Variants in CDK19 observed in about 807,000 individuals in gnomAD.
The protein encoded by CDK19 is cyclin-dependent kinase 19.
In CDK19, 20 loss-of-function variants were observed where a neutral mutation model predicts 68.3. The observed-to-expected ratio is 0.29, with a 90% confidence interval of 0.21 to 0.43. The LOEUF (loss-of-function observed/expected upper bound fraction) is 0.43, where lower values mean the gene tolerates loss of function less well. Ranked by LOEUF, CDK19 falls within the 20% of genes least tolerant of loss-of-function variation. The pLI, the probability that CDK19 is intolerant of heterozygous loss-of-function variation, is 1.00. For synonymous variants in CDK19, 221 were observed against 222.8 expected (o/e 0.99, Z 0.07); for missense variants, 339 against 623.5 (o/e 0.54, Z 4.86).
At chr6:110,710,183 A>C (rs1392201189) in intron 2 of CDK19, among the ~76,000 whole-genome samples, 1 of 152,218 alleles carries the variant, frequency 6.6e-6, no homozygotes, top group African/African-American at 2.4e-5. Flanking sequence ...TTTATAACAA[A>C]CTAATCTTGA....
intron 2 of CDK19, among the ~76,000 whole-genome samples, chr6:110,683,911 C>T (rs887079856): frequency 5.3e-5 from 8 of 150,226 alleles, no homozygotes; most frequent in Non-Finnish European, 8.9e-5. Context: ...GGGGTTTCAC[C>T]TTGGCCAGGC....
At chr6:110,689,916 T>C (rs1392751216) in intron 2 of CDK19, among the ~76,000 whole-genome samples, 1 of 152,098 alleles carries the variant, frequency 6.6e-6, no homozygotes, top group African/African-American at 2.4e-5. Flanking sequence ...GTGCACCATA[T>C]CAAAGGAACA....
intron 2 of CDK19, among the ~76,000 whole-genome samples, chr6:110,688,654 G>A (rs1373188174): frequency 6.6e-6 from 1 of 152,120 alleles, no homozygotes; most frequent in Non-Finnish European, 1.5e-5. Flanking sequence ...CACAGAGAAG[G>A]GCCTTAACCC....
intron 4 of CDK19, among the ~76,000 whole-genome samples, chr6:110,641,839 T>C (rs78371378): frequency 6.6e-6 from 1 of 152,044 alleles, no homozygotes; most frequent in South Asian, 2.1e-4. Context: ...TGGATAAGCA[T>C]AAACAACAAA....
At chr6:110,726,291 AT>A (rs1776309113) in intron 2 of CDK19, among the ~76,000 whole-genome samples, 2 of 152,200 alleles carry the variant, frequency 1.3e-5, no homozygotes, top group African/African-American at 4.8e-5. Flanking sequence ...TAATGCAAGC[AT>A]TTTGAGTAAG....
At chr6:110,759,167 A>C (rs907169908) in intron 1 of CDK19, among the ~76,000 whole-genome samples, 13 of 151,270 alleles carry the variant, frequency 8.6e-5, no homozygotes, top group Non-Finnish European at 1.9e-4. Context: ...TCAGGAGGCC[A>C]AGGCAGGCAG....
chr6:110,802,015 T>C (rs1782379812), intron 1 of CDK19, among the ~76,000 whole-genome samples: 1 of 152,052 alleles, frequency 6.6e-6, no homozygotes. Flanking sequence ...ATTGCTATTA[T>C]CAAAAATAAA....
chr6:110,686,456 C>A (rs1451031985), intron 2 of CDK19, among the ~76,000 whole-genome samples: 2 of 152,206 alleles, frequency 1.3e-5, no homozygotes, highest in Admixed American at 6.5e-5. Context: ...GATAAAATCC[C>A]TACTTTATTC....
At chr6:110,812,808 A>G (rs1245171836) in intron 1 of CDK19, among the ~76,000 whole-genome samples, 2 of 143,978 alleles carry the variant, frequency 1.4e-5, no homozygotes, top group African/African-American at 2.6e-5. Flanking sequence ...ACTGTTTAAA[A>G]CAGTAAAAAA....
At chr6:110,787,705 G>C (rs188168203) in intron 1 of CDK19, among the ~76,000 whole-genome samples, 19 of 152,240 alleles carry the variant, frequency 1.2e-4, no homozygotes, top group Admixed American at 1.2e-3. Flanking sequence ...GCCTGCCAAA[G>C]TGCTGGGATT....
chr6:110,613,356 A>T lies in CDK19; in HGVS notation c.*1179T>A, dbSNP rs1253509682. Reference sequence around the variant, plus strand: ...GATAGAATTAAGTTTCAGTAACAACAGCAAAATTATGCATACATAATACAT... The same window carrying T: ...GATAGAATTAAGTTTCAGTAACAACTGCAAAATTATGCATACATAATACAT... On this transcript the variant is annotated 3_prime_UTR_variant, in exon 13 of 13. Coordinates refer to ENST00000368911, the MANE Select transcript of CDK19 (RefSeq NM_015076.5). The T allele has an allele frequency of 6.5e-6, 1 of 152,688 alleles. No homozygotes were observed. Among genetic ancestry groups the T allele is most frequent in the Non-Finnish European group, 1.5e-5 (1 of 68,048 alleles). The allele number at this position is 152,688 out of a possible 1,614,324, so 9.5% of individuals were successfully genotyped here. A position where few individuals can be genotyped will look rare whatever the true frequency, so the allele number is the denominator to read the frequency against.
At chr6:110,615,031 G>C (rs1007406748) in intron 12 of CDK19, among the ~76,000 whole-genome samples, 8 of 152,120 alleles carry the variant, frequency 5.3e-5, no homozygotes, top group African/African-American at 1.9e-4. Context: ...TTGGCATACT[G>C]AAATCAATAG....
At chr6:110,635,578 C>T (rs560920213) in intron 5 of CDK19, among the ~76,000 whole-genome samples, 42 of 152,210 alleles carry the variant, frequency 2.8e-4, no homozygotes, top group Non-Finnish European at 5.1e-4. Flanking sequence ...CTTGCTCTGT[C>T]GCCCAGGCTG....
At chr6:110,695,497 G>A (rs1334030021) in intron 2 of CDK19, among the ~76,000 whole-genome samples, 4 of 151,964 alleles carry the variant, frequency 2.6e-5, no homozygotes, top group Non-Finnish European at 5.9e-5. Flanking sequence ...AACAAATAAA[G>A]ATTAGAACAG....
intron 2 of CDK19, among the ~76,000 whole-genome samples, chr6:110,713,813 C>A (rs1775156883): frequency 6.6e-6 from 1 of 152,106 alleles, no homozygotes; most frequent in East Asian, 1.9e-4. Context: ...GGTAGGAGTT[C>A]AAGACCATCC....
intron 4 of CDK19, among the ~76,000 whole-genome samples, chr6:110,661,286 G>A (rs909845858): frequency 3.3e-5 from 5 of 152,146 alleles, no homozygotes; most frequent in African/African-American, 1.2e-4. Flanking sequence ...CTTCTGGATA[G>A]GCCCATTGTA....
At chr6:110,783,838 C>T (rs1780995681) in intron 1 of CDK19, among the ~76,000 whole-genome samples, 1 of 151,788 alleles carries the variant, frequency 6.6e-6, no homozygotes, top group African/African-American at 2.4e-5. Flanking sequence ...AAGTGAATCA[C>T]AAAATCAAAG....
At chr6:110,704,901 G>A (rs1379509648) in intron 2 of CDK19, among the ~76,000 whole-genome samples, 6 of 152,152 alleles carry the variant, frequency 3.9e-5, no homozygotes, top group Non-Finnish European at 7.3e-5. Context: ...TAGATAAAAA[G>A]AGGGCAAGAA....
At chr6:110,780,754 A>G (rs182536240) in intron 1 of CDK19, among the ~76,000 whole-genome samples, 29 of 152,254 alleles carry the variant, frequency 1.9e-4, no homozygotes, top group African/African-American at 7.0e-4. Flanking sequence ...TGAAAGAAGA[A>G]TGTTCCAAGG....
Sources: allele counts gnomAD v4.1 joint callset (sites outside exome capture counted in the v4.1 genomes callset), GRCh38; gene constraint gnomAD v4.1.1; transcripts MANE v1.5; gene names NCBI Gene and HGNC (gene_info 2026-07-23, HGNC 2026-07-21).